The following TENM3 variants were observed in gnomAD, a reference collection of about 807,000 sequenced individuals.
TENM3 encodes the protein teneurin-3.
A neutral mutation model predicts 255.1 loss-of-function variants in TENM3; 63 were observed. The observed-to-expected ratio is 0.25, with a 90% confidence interval of 0.20 to 0.30. The LOEUF (loss-of-function observed/expected upper bound fraction) is 0.30. TENM3 is among the 10% of genes least tolerant of loss of function. The probability of loss-of-function intolerance (pLI) is 1.00; values close to 1 mark genes in which losing one functional copy is unlikely to be tolerated. For synonymous variants in TENM3, 1,306 were observed against 1,322.3 expected (o/e 0.99, Z 0.27); for missense variants, 2,929 against 3,461.1 (o/e 0.85, Z 3.86).
the TENM3 span, among the ~76,000 whole-genome samples, chr4:181,740,019 C>A: frequency 1.3e-5 from 2 of 152,278 alleles, no homozygotes; most frequent in East Asian, 1.9e-4. Context: ...ATTTAGTTTT[C>A]AGAAATTTAC....
At chr4:182,396,250 T>A (rs1241244220) in intron 3 of TENM3, among the ~76,000 whole-genome samples, 1 of 152,174 alleles carries the variant, frequency 6.6e-6, no homozygotes, top group African/African-American at 2.4e-5. Context: ...TCTTTCTGGA[T>A]GAGGCTGTCT....
chr4:182,783,933 T>G (rs1360746724), intron 24 of TENM3, among the ~76,000 whole-genome samples: 1 of 152,144 alleles, frequency 6.6e-6, no homozygotes, highest in East Asian at 1.9e-4. Context: ...TTCTCTGTAT[T>G]GGTTATTCTA....
chr4:182,052,040 G>C, the TENM3 span, among the ~76,000 whole-genome samples: 3,057 of 152,180 alleles, frequency 0.02, 46 homozygotes, highest in Non-Finnish European at 0.031. Context: ...CTGGCCTCCA[G>C]CAGGTAGGGG....
chr4:182,519,833 A>G (rs1433607200), intron 3 of TENM3, among the ~76,000 whole-genome samples: 2 of 152,184 alleles, frequency 1.3e-5, no homozygotes. Flanking sequence ...AGAATTTCTA[A>G]CGGAATTTCT....
the TENM3 span, among the ~76,000 whole-genome samples, chr4:181,779,900 T>C: frequency 2.0e-5 from 3 of 152,210 alleles, no homozygotes; most frequent in African/African-American, 7.2e-5. Context: ...TGGTTTCTTG[T>C]CCTTGCAACA....
At chr4:181,734,449 C>T in the TENM3 span, among the ~76,000 whole-genome samples, 3 of 152,070 alleles carry the variant, frequency 2.0e-5, no homozygotes, top group Non-Finnish European at 2.9e-5. Flanking sequence ...CACATACATA[C>T]GTTTCTTAGT....
intron 1 of TENM3, among the ~76,000 whole-genome samples, chr4:182,171,108 AG>A (rs1752078950): frequency 6.6e-6 from 1 of 152,226 alleles, no homozygotes. Flanking sequence ...AAATTTTTAC[AG>A]GAAGTATTGC....
the TENM3 span, among the ~76,000 whole-genome samples, chr4:181,766,344 G>T: frequency 1.3e-5 from 2 of 152,158 alleles, no homozygotes; most frequent in African/African-American, 4.8e-5. Flanking sequence ...TCCTACCGTT[G>T]CCACCAGCTA....
At chr4:182,136,627 T>C in the TENM3 span, among the ~76,000 whole-genome samples, 32 of 152,322 alleles carry the variant, frequency 2.1e-4, no homozygotes, top group Non-Finnish European at 4.4e-4. Context: ...AGTAATTCCA[T>C]TTACTTGACA....
chr4:181,554,745 A>AT, the TENM3 span, among the ~76,000 whole-genome samples: 7 of 152,378 alleles, frequency 4.6e-5, no homozygotes, highest in Admixed American at 4.6e-4. Flanking sequence ...AAAACGTTTC[A>AT]TACTGAAGTT....
chr4:181,919,719 AT>A, the TENM3 span, among the ~76,000 whole-genome samples: 11 of 151,176 alleles, frequency 7.3e-5, no homozygotes, highest in African/African-American at 1.9e-4. Context: ...ATACAGAAAA[AT>A]TTTTTTTTAA....
the TENM3 span, among the ~76,000 whole-genome samples, chr4:181,916,098 C>A: frequency 2.6e-5 from 4 of 152,012 alleles, no homozygotes; most frequent in Admixed American, 1.3e-4. Context: ...CCTCCCACCC[C>A]AGGGGTTTAA....
the TENM3 span, among the ~76,000 whole-genome samples, chr4:181,757,758 C>T: frequency 5.9e-5 from 9 of 152,024 alleles, no homozygotes; most frequent in African/African-American, 2.2e-4. Context: ...TTCATGAGAC[C>T]GATGATTTAG....
intron 19 of TENM3, among the ~76,000 whole-genome samples, chr4:182,746,402 A>C (rs572339863): frequency 6.6e-6 from 1 of 152,212 alleles, no homozygotes; most frequent in Non-Finnish European, 1.5e-5. Flanking sequence ...GAAAGCAAGT[A>C]AAGTTACTGG....
At chr4:182,705,847 A>G (rs1758240599) in intron 12 of TENM3, among the ~76,000 whole-genome samples, 1 of 151,996 alleles carries the variant, frequency 6.6e-6, no homozygotes, top group African/African-American at 2.4e-5. Context: ...TTTTCAACTT[A>G]CTTGTTTTTA....
the TENM3 span, among the ~76,000 whole-genome samples, chr4:181,914,907 T>A: frequency 6.6e-6 from 1 of 152,188 alleles, no homozygotes; most frequent in Non-Finnish European, 1.5e-5. Flanking sequence ...AGGTTCTTTA[T>A]GTATCTTTGC....
chr4:181,866,345 T>C, the TENM3 span, among the ~76,000 whole-genome samples: 1 of 152,238 alleles, frequency 6.6e-6, no homozygotes, highest in African/African-American at 2.4e-5. Flanking sequence ...GAGGATGGAC[T>C]AAACAACCAA....
the TENM3 span, among the ~76,000 whole-genome samples, chr4:181,554,868 A>C: frequency 6.6e-6 from 1 of 152,180 alleles, no homozygotes; most frequent in East Asian, 1.9e-4. Flanking sequence ...CAGAAGAAGA[A>C]CTCAGCTTGA....
At chr4:182,598,544 G>A (rs1183119909) in intron 3 of TENM3, among the ~76,000 whole-genome samples, 4 of 152,160 alleles carry the variant, frequency 2.6e-5, no homozygotes, top group African/African-American at 7.2e-5. Context: ...TTAGGAATAA[G>A]AATTCTAAAT....
Sources: allele counts gnomAD v4.1 joint callset (sites outside exome capture counted in the v4.1 genomes callset), GRCh38; gene constraint gnomAD v4.1.1; transcripts MANE v1.5; gene names NCBI Gene and HGNC (gene_info 2026-07-23, HGNC 2026-07-21).